Variants in ASPRV1 observed in about 807,000 individuals in gnomAD.
The protein encoded by ASPRV1 is aspartic peptidase retroviral like 1.
A neutral mutation model predicts 11.0 loss-of-function variants in ASPRV1; 7 were observed. The ratio of observed to expected loss-of-function variants is 0.64; its 90% CI spans 0.36 to 1.20. ASPRV1 has a LOEUF of 1.20. Among genes scored for constraint, ASPRV1 ranks in the 50% most tolerant of loss-of-function variants. The probability of loss-of-function intolerance (pLI) is 0.02; values close to 1 mark genes in which losing one functional copy is unlikely to be tolerated. For missense variants in ASPRV1, 299 were observed against 320.0 expected (o/e 0.93, Z 0.50); for synonymous variants, 136 against 138.4 (o/e 0.98, Z 0.12).
At chr2:69,967,170 C>T in the ASPRV1 span, among the ~76,000 whole-genome samples, 2 of 152,150 alleles carry the variant, frequency 1.3e-5, no homozygotes, top group Non-Finnish European at 2.9e-5. Flanking sequence ...AGGCCAACAC[C>T]GCCTCACTTG....
the ASPRV1 span, among the ~76,000 whole-genome samples, chr2:70,001,431 A>C: frequency 6.6e-6 from 1 of 152,116 alleles, no homozygotes; most frequent in East Asian, 1.9e-4. Context: ...TGGGAGGCTA[A>C]AGCAGTAGAT....
At chr2:69,963,524 G>A (rs1253915864), upstream of ASPRV1, 6 of 443,476 alleles carry the variant, frequency 1.4e-5, no homozygotes, top group Non-Finnish European at 2.8e-5. Flanking sequence ...TGAGTGAGGA[G>A]GTTAGCATGC....
At chr2:70,074,707 C>T in the ASPRV1 span, among the ~76,000 whole-genome samples, 1 of 151,966 alleles carries the variant, frequency 6.6e-6, no homozygotes, top group Non-Finnish European at 1.5e-5. Flanking sequence ...AAAATCTTCC[C>T]ATTTTTCATA....
At chr2:69,984,789 T>C in the ASPRV1 span, among the ~76,000 whole-genome samples, 3 of 151,406 alleles carry the variant, frequency 2.0e-5, no homozygotes, top group Admixed American at 1.3e-4. Context: ...CCCAGTTTTT[T>C]TGTATCTTTA....
the ASPRV1 span, among the ~76,000 whole-genome samples, chr2:69,998,723 C>T: frequency 4.0e-3 from 562 of 139,800 alleles, 2 homozygotes; most frequent in African/African-American, 0.016. Context: ...AGCAAGACTC[C>T]GTCTCAAAAA....
the ASPRV1 span, among the ~76,000 whole-genome samples, chr2:70,069,914 C>CT: frequency 6.6e-6 from 1 of 152,014 alleles, no homozygotes; most frequent in Non-Finnish European, 1.5e-5. Context: ...AGAAAAAAGA[C>CT]TTTAAGTTTT....
the ASPRV1 span, chr2:70,073,134 G>A: frequency 1.3e-5 from 2 of 152,080 alleles, no homozygotes; most frequent in African/African-American, 2.4e-5. Context: ...AAGAACTGAT[G>A]AGCTCCCCTA....
the ASPRV1 span, chr2:70,049,438 C>T: frequency 6.6e-6 from 1 of 151,962 alleles, no homozygotes; most frequent in Non-Finnish European, 1.5e-5. Flanking sequence ...AATCACTCTC[C>T]CTCCATTTTG....
At chr2:69,991,440 C>T in the ASPRV1 span, among the ~76,000 whole-genome samples, 2 of 152,212 alleles carry the variant, frequency 1.3e-5, no homozygotes, top group South Asian at 2.1e-4. Context: ...TTCTTTTTTC[C>T]ACCCTGACAA....
At chr2:69,981,242 A>C in the ASPRV1 span, among the ~76,000 whole-genome samples, 2 of 152,234 alleles carry the variant, frequency 1.3e-5, no homozygotes, top group Non-Finnish European at 2.9e-5. Context: ...AAAATTATCT[A>C]TATGTCCAAG....
chr2:70,012,158 ATT>A, the ASPRV1 span: 7 of 138,940 alleles, frequency 5.0e-5, no homozygotes, highest in Non-Finnish European at 9.4e-5. Flanking sequence ...GATCAACATC[ATT>A]TTTTTTTTTT....
chr2:69,935,974 G>C, the ASPRV1 span, among the ~76,000 whole-genome samples: 1 of 152,118 alleles, frequency 6.6e-6, no homozygotes, highest in African/African-American at 2.4e-5. Flanking sequence ...ATTCTGCCTT[G>C]CCTGGTCCTC....
chr2:69,963,692 G>A (rs1678221526), upstream of ASPRV1, among the ~76,000 whole-genome samples: 1 of 152,216 alleles, frequency 6.6e-6, no homozygotes, highest in African/African-American at 2.4e-5. Context: ...CCTCATTTGA[G>A]TGGGTTTGGT....
At chr2:69,953,866 C>T in the ASPRV1 span, among the ~76,000 whole-genome samples, 3 of 144,616 alleles carry the variant, frequency 2.1e-5, no homozygotes, top group Non-Finnish European at 3.0e-5. Flanking sequence ...CGCCACCATG[C>T]CCGGCTAATT....
At chr2:70,059,609 T>C in the ASPRV1 span, 5 of 156,692 alleles carry the variant, frequency 3.2e-5, no homozygotes, top group South Asian at 9.9e-4. Flanking sequence ...TATTATTATG[T>C]TGTAATATAT....
At chr2:69,985,104 C>A in the ASPRV1 span, among the ~76,000 whole-genome samples, 2 of 152,212 alleles carry the variant, frequency 1.3e-5, no homozygotes, top group Admixed American at 6.5e-5. Context: ...GATCTGCCCA[C>A]CTCGGCCTCC....
the ASPRV1 span, among the ~76,000 whole-genome samples, chr2:70,069,811 A>G: frequency 6.6e-6 from 1 of 152,168 alleles, no homozygotes; most frequent in African/African-American, 2.4e-5. Flanking sequence ...AACTAGCTAT[A>G]TGAGCTTGGA....
At chr2:70,056,364 G>GA in the ASPRV1 span, 1 of 152,264 alleles carries the variant, frequency 6.6e-6, no homozygotes, top group East Asian at 1.9e-4. Flanking sequence ...CCAGCACTTT[G>GA]AGAGGCCGAG....
chr2:70,046,061 C>G, the ASPRV1 span: 1 of 152,236 alleles, frequency 6.6e-6, no homozygotes, highest in African/African-American at 2.4e-5. Context: ...ATCAGAGCTA[C>G]AGAACATCAG....
Sources: gnomAD v4.1 joint callset for allele counts (sites outside exome capture counted in the v4.1 genomes callset) on GRCh38, gnomAD v4.1.1 for gene constraint, MANE v1.5 for transcripts, NCBI Gene and HGNC (gene_info 2026-07-23, HGNC 2026-07-21) for gene names.